The following DGKB variants were observed in gnomAD, a reference collection of about 807,000 sequenced individuals.
The protein encoded by DGKB is diacylglycerol kinase beta.
In DGKB, 67 loss-of-function variants were observed where a neutral mutation model predicts 114.3. The ratio of observed to expected loss-of-function variants is 0.59; its 90% CI spans 0.48 to 0.72. The LOEUF (loss-of-function observed/expected upper bound fraction) is 0.72, where lower values mean the gene tolerates loss of function less well. DGKB is among the 30% of genes least tolerant of loss of function. The pLI, the probability that DGKB is intolerant of heterozygous loss-of-function variation, is 0.00. For synonymous variants in DGKB, 398 were observed against 323.1 expected, an observed-to-expected ratio of 1.23 and a Z score of -2.49; for missense variants, 907 against 975.2, an observed-to-expected ratio of 0.93 and a Z score of 0.93.
rs114629456 is a variant in DGKB at position 14,524,180 on chromosome 7, C to G, written c.1771-45955G>C. 1.6e-3 allele frequency among the ~76,000 whole-genome samples: 245 copies of G among 151,990 alleles called. 2 individuals carry two copies. The highest frequency in any genetic ancestry group is 5.7e-3 in the African/African-American group (237 of 41,468). ...TATATTCAGAATATAAGACATATTT[C>G]ATATTCTAAAAATTTCTTAGATGAT... On this transcript the variant is annotated intron_variant, in intron 20 of 25. Coordinates refer to ENST00000402815, the MANE Select transcript of DGKB (RefSeq NM_001350709.2).
intron 2 of DGKB, among the ~76,000 whole-genome samples, chr7:14,812,798 A>C (rs1334192697): frequency 2.6e-5 from 4 of 152,178 alleles, no homozygotes; most frequent in Non-Finnish European, 5.9e-5. Flanking sequence ...ATACAATTTC[A>C]ACAACTAAAA....
intron 20 of DGKB, among the ~76,000 whole-genome samples, chr7:14,545,120 T>G (rs916206591): frequency 1.3e-5 from 2 of 152,162 alleles, no homozygotes; most frequent in African/African-American, 4.8e-5. Flanking sequence ...TAAAATTTTG[T>G]TTTCTTTTTC....
At chr7:14,166,542 T>C (rs1784632578) in intron 25 of DGKB, among the ~76,000 whole-genome samples, 1 of 152,102 alleles carries the variant, frequency 6.6e-6, no homozygotes, top group African/African-American at 2.4e-5. Flanking sequence ...CAAGAAAATC[T>C]AATGGTGTGG....
chr7:14,236,851 C>T (rs1327802750), intron 23 of DGKB, among the ~76,000 whole-genome samples: 2 of 151,670 alleles, frequency 1.3e-5, no homozygotes, highest in Non-Finnish European at 2.9e-5. Context: ...CGTGTAGACC[C>T]CTAAACATTT....
intron 21 of DGKB, among the ~76,000 whole-genome samples, chr7:14,457,515 T>C (rs182798615): frequency 6.6e-5 from 10 of 152,336 alleles, no homozygotes; most frequent in African/African-American, 2.2e-4. Context: ...GAATTACTTA[T>C]AAATAAAAAA....
chr7:14,502,856 A>G (rs1374261249), intron 20 of DGKB, among the ~76,000 whole-genome samples: 1 of 152,094 alleles, frequency 6.6e-6, no homozygotes, highest in Non-Finnish European at 1.5e-5. Context: ...TGAAATAAAC[A>G]TAGCTAGGAT....
chr7:14,970,960 T>C (rs1787430070), intron 1 of DGKB, among the ~76,000 whole-genome samples: 1 of 152,102 alleles, frequency 6.6e-6, no homozygotes, highest in African/African-American at 2.4e-5. Context: ...TCTTGAACCA[T>C]TTTTTTGTAA....
intron 23 of DGKB, among the ~76,000 whole-genome samples, chr7:14,300,062 C>T (rs979828786): frequency 6.6e-6 from 1 of 152,024 alleles, no homozygotes; most frequent in Non-Finnish European, 1.5e-5. Context: ...TGTTATCATA[C>T]TTTAATGATT....
intron 21 of DGKB, among the ~76,000 whole-genome samples, chr7:14,469,134 C>T (rs1195492162): frequency 6.6e-6 from 1 of 152,034 alleles, no homozygotes; most frequent in African/African-American, 2.4e-5. Context: ...TATCTTCCCT[C>T]TGTAAAGTTA....
chr7:14,668,793 C>A (rs1818474937), intron 13 of DGKB, among the ~76,000 whole-genome samples: 1 of 152,066 alleles, frequency 6.6e-6, no homozygotes. Context: ...CACGATTAAG[C>A]CTTACAATTA....
At chr7:14,925,235 C>T (rs1176681898) in intron 1 of DGKB, among the ~76,000 whole-genome samples, 1 of 152,168 alleles carries the variant, frequency 6.6e-6, no homozygotes, top group African/African-American at 2.4e-5. Flanking sequence ...CTGTGACCAT[C>T]AGTGAAAAAG....
At chr7:14,581,760 C>T (rs1445725656) in intron 18 of DGKB, among the ~76,000 whole-genome samples, 1 of 151,998 alleles carries the variant, frequency 6.6e-6, no homozygotes. Flanking sequence ...AATGAAATAG[C>T]CGACAATAAG....
At chr7:14,335,484 C>T (rs976635019) in intron 23 of DGKB, among the ~76,000 whole-genome samples, 1 of 151,964 alleles carries the variant, frequency 6.6e-6, no homozygotes, top group African/African-American at 2.4e-5. Context: ...TAATTTTTTA[C>T]AGAGGCATAT....
At chr7:14,345,841 T>TA (rs1316615501) in intron 21 of DGKB, among the ~76,000 whole-genome samples, 1 of 151,686 alleles carries the variant, frequency 6.6e-6, no homozygotes, top group Admixed American at 6.6e-5. Context: ...GAAATATAAT[T>TA]AAAATAATTT....
chr7:14,521,422 AT>A (rs1308011394), intron 20 of DGKB, among the ~76,000 whole-genome samples: 1 of 152,028 alleles, frequency 6.6e-6, no homozygotes. Flanking sequence ...CTTGATATTT[AT>A]CTTATTTGTG....
At chr7:14,199,595 C>A (rs892377516) in intron 23 of DGKB, among the ~76,000 whole-genome samples, 2 of 151,892 alleles carry the variant, frequency 1.3e-5, no homozygotes, top group Non-Finnish European at 2.9e-5. Flanking sequence ...AGGAATGGAA[C>A]AAATAGATGA....
chr7:14,569,597 C>T (rs1251556522), intron 20 of DGKB, among the ~76,000 whole-genome samples: 1 of 152,100 alleles, frequency 6.6e-6, no homozygotes, highest in African/African-American at 2.4e-5. Flanking sequence ...TGTACTTCCT[C>T]ATTGGTTCAT....
intron 20 of DGKB, among the ~76,000 whole-genome samples, chr7:14,532,656 T>A (rs1250454110): frequency 6.6e-6 from 1 of 151,244 alleles, no homozygotes; most frequent in Admixed American, 6.6e-5. Context: ...AGTGACAAAA[T>A]TGAAATGAAA....
chr7:14,731,866 A>G (rs777328243), intron 5 of DGKB, among the ~76,000 whole-genome samples: 8 of 152,230 alleles, frequency 5.3e-5, no homozygotes, highest in Non-Finnish European at 1.0e-4. Context: ...GTGGTATGAA[A>G]AAGCTGGAGA....
Sources: allele counts gnomAD v4.1 joint callset (sites outside exome capture counted in the v4.1 genomes callset), GRCh38; gene constraint gnomAD v4.1.1; transcripts MANE v1.5; gene names NCBI Gene and HGNC (gene_info 2026-07-23, HGNC 2026-07-21).